Variants in MXD1 observed in about 807,000 individuals in gnomAD.
The protein encoded by MXD1 is MAX dimerization protein 1.
A neutral mutation model predicts 25.7 loss-of-function variants in MXD1; 9 were observed. The ratio of observed to expected loss-of-function variants is 0.35; its 90% confidence interval spans 0.21 to 0.61. The LOEUF (loss-of-function observed/expected upper bound fraction) is 0.61. Among genes scored for constraint, MXD1 ranks in the 20% least tolerant of loss-of-function variants. The probability of loss-of-function intolerance (pLI) is 0.75; values close to 1 mark genes in which losing one functional copy is unlikely to be tolerated. For synonymous variants in MXD1, 99 were observed against 113.9 expected, an observed-to-expected ratio of 0.87 and a Z score of 0.83; for missense variants, 227 against 292.4, an observed-to-expected ratio of 0.78 and a Z score of 1.63.
rs1677114328 is a variant in MXD1, at chr2:69,923,601, T to TGTGTGA, written c.203+1837_203+1838insTGTGAG. On this transcript the variant is annotated intron_variant, in intron 3 of 5. Transcript: ENST00000264444. ...AATTTCGTGTGTGTGTGTGTGTGTG[T>TGTGTGA]GATGCTGAGTGTGCCTCACTGCATA... Among the ~76,000 whole-genome samples, 3 of 152,188 alleles carry TGTGTGA rather than the reference T, an allele frequency of 2.0e-5. No homozygotes were observed. In the South Asian group the frequency reaches 6.2e-4, roughly 32 times the overall value.
At chr2:69,931,038 A>C (rs936302487) in intron 3 of MXD1, among the ~76,000 whole-genome samples, 1 of 152,150 alleles carries the variant, frequency 6.6e-6, no homozygotes, top group South Asian at 2.1e-4. Flanking sequence ...TATTAACTTC[A>C]TTTTTAATTT....
Position 69,941,622 on chromosome 2 carries a change from T to C in MXD1, c.*3338T>C, listed in dbSNP as rs1370723640. ...GGCATTTTCCTTTAACCTCTACTTT[T>C]TCAAAAGCAACAAAGGGGCCTCAAC... On this transcript the variant is annotated 3_prime_UTR_variant, in exon 6 of 6. Transcript: ENST00000264444. The C allele has an allele frequency of 2.6e-5, 4 of 152,200 alleles. No individual in the cohort carries two copies. Among genetic ancestry groups the C allele is most frequent in the Non-Finnish European group, 2.9e-5 (2 of 68,036 alleles). 9.4% of individuals were successfully genotyped at this position (152,200 alleles called of 1,614,324 possible).
At chr2:69,938,055 G>T in intron 5 of MXD1, 42 bp from the exon 6 acceptor site, 1 of 1,591,072 alleles carries the variant, frequency 6.3e-7, no homozygotes, top group South Asian at 1.1e-5. Flanking sequence ...GCTTTCTGCA[G>T]AGCGCTTTCA....
chr2:69,924,454 C>T (rs1677133343), intron 3 of MXD1, among the ~76,000 whole-genome samples: 1 of 152,126 alleles, frequency 6.6e-6, no homozygotes, highest in Non-Finnish European at 1.5e-5. Flanking sequence ...ACTCAGTTTA[C>T]TTAATTTAAG....
At chr2:69,936,610 T>C (rs1677450222) in intron 4 of MXD1, among the ~76,000 whole-genome samples, 1 of 152,242 alleles carries the variant, frequency 6.6e-6, no homozygotes, top group Non-Finnish European at 1.5e-5. Context: ...AATTAAACAA[T>C]CTTCTTAATT....
chr2:69,927,422 T>C (rs1031351383), intron 3 of MXD1, among the ~76,000 whole-genome samples: 1 of 152,174 alleles, frequency 6.6e-6, no homozygotes, highest in Middle Eastern at 3.2e-3. Context: ...ATAAATCCAA[T>C]CTATATTGAT....
chr2:69,923,692 A>T (rs1677116339), intron 3 of MXD1, among the ~76,000 whole-genome samples: 1 of 151,930 alleles, frequency 6.6e-6, no homozygotes, highest in South Asian at 2.1e-4. Context: ...ACCATGTTTT[A>T]AGTTGGAGCT....
intron 3 of MXD1, among the ~76,000 whole-genome samples, chr2:69,932,334 C>G (rs1677307427): frequency 6.6e-6 from 1 of 152,154 alleles, no homozygotes; most frequent in Admixed American, 6.5e-5. Context: ...TTGGATTTCA[C>G]TACTGTATGA....
intron 3 of MXD1, among the ~76,000 whole-genome samples, chr2:69,934,103 A>G (rs186493339): frequency 6.6e-5 from 10 of 152,364 alleles, no homozygotes; most frequent in Admixed American, 6.5e-4. Flanking sequence ...CGGTGACAGC[A>G]CAGCAATGAT....
At chr2:69,936,895 A>G (rs894613842) in intron 4 of MXD1, 10 of 476,748 alleles carry the variant, frequency 2.1e-5, no homozygotes, top group Admixed American at 1.2e-4. Context: ...TCAGGTGTTC[A>G]GGGGATTGCT....
At chr2:69,929,518 G>A (rs1347471119) in intron 3 of MXD1, among the ~76,000 whole-genome samples, 1 of 152,170 alleles carries the variant, frequency 6.6e-6, no homozygotes, top group Non-Finnish European at 1.5e-5. Flanking sequence ...AGTTAGCCCA[G>A]GTGCTTTCTA....
Position 69,939,227 on chromosome 2 carries a change from G to C in MXD1, c.*943G>C, listed in dbSNP as rs1045198243. On this transcript the variant is annotated 3_prime_UTR_variant, in exon 6 of 6. Transcript: ENST00000264444. ...CAGCAATAACTGAGCTGTGGCACTA[G>C]CAGAGCTAGTAGCCATTATCAGTGA... is the stretch of plus-strand genomic sequence containing the variant. 1.3e-5 allele frequency: 2 copies of C among 152,506 alleles called. No individual in the cohort carries two copies. Among genetic ancestry groups the C allele is most frequent in the Non-Finnish European group, 2.9e-5 (2 of 68,030 alleles). The allele number at this position is 152,506 out of a possible 1,614,324, so 9.4% of individuals were successfully genotyped here. A position where few individuals can be genotyped will look rare whatever the true frequency, so the allele number is the denominator to read the frequency against.
At chr2:69,922,820 C>T (rs986335571) in intron 3 of MXD1, among the ~76,000 whole-genome samples, 2 of 147,036 alleles carry the variant, frequency 1.4e-5, no homozygotes, top group South Asian at 2.1e-4. Context: ...GCGGAGGTTG[C>T]GGTGAGCCGA....
In MXD1 at chr2:69,939,949, G is replaced by A. The variant is rs1008061442; in HGVS notation, c.*1665G>A. 2.6e-5 allele frequency: 4 copies of A among 152,308 alleles called. No homozygotes were observed. The allele number at this position is 152,308 out of a possible 1,614,324, so 9.4% of individuals were successfully genotyped here. The stretch of plus-strand genomic sequence containing the variant: ...CCACACGGAAGCTCATTCTATACCC[G>A]AAGAGCAGTCTCAGAAAGCAAGATT... On this transcript the variant is annotated 3_prime_UTR_variant, in exon 6 of 6. Transcript: ENST00000264444.
Position 69,942,217 on chromosome 2 carries a change from C to A in MXD1, c.*3933C>A, listed in dbSNP as rs935722883. ...AGCTGGCTACTCCTATTTAAAAACT[C>A]TTCCTGGTAGAAGACAACCCAAAGA... is the stretch of plus-strand genomic sequence containing the variant. On this transcript the variant is annotated 3_prime_UTR_variant, in exon 6 of 6. Transcript: ENST00000264444. The A allele has an allele frequency of 1.1e-4, 16 of 152,218 alleles. No homozygotes were observed. Among genetic ancestry groups the A allele is most frequent in the African/African-American group, 3.9e-4 (16 of 41,454 alleles). 9.4% of individuals were successfully genotyped at this position (152,218 alleles called of 1,614,324 possible). A position where few individuals can be genotyped will look rare whatever the true frequency, so the allele number is the denominator to read the frequency against.
Position 69,937,655 on chromosome 2 carries a change from C to G in MXD1, c.478+261C>G, listed in dbSNP as rs1042316986. Among the ~76,000 whole-genome samples the G allele has an allele frequency of 6.6e-5, 10 of 152,336 alleles. No individual in the cohort carries two copies. In the South Asian group the frequency reaches 2.1e-3, roughly 32 times the overall value. ...TTTGAGACGGAATCTTGCTCTGTCACCCAGGCTGGAGTGCAGTGGTGTGAT... is the reference window on the plus strand; with the variant it reads ...TTTGAGACGGAATCTTGCTCTGTCAGCCAGGCTGGAGTGCAGTGGTGTGAT... On this transcript the variant is annotated intron_variant, in intron 5 of 5. Transcript: ENST00000264444.
intron 5 of MXD1, 32 bp from the exon 6 acceptor site, chr2:69,938,062 TTCA>T: frequency 6.2e-7 from 1 of 1,601,298 alleles, no homozygotes; most frequent in Non-Finnish European, 8.5e-7. Flanking sequence ...GCAGAGCGCT[TTCA>T]TCAATGTCCT....
At position 69,915,230 on chromosome 2, in the gene MXD1, C is replaced by G. The variant is rs1314587202; in HGVS notation, c.-101C>G. 17 of 1,083,762 alleles carry G rather than the reference C, an allele frequency of 1.6e-5. No individual in the cohort carries two copies. Among genetic ancestry groups the G allele is most frequent in the Non-Finnish European group, 2.0e-5 (17 of 831,892 alleles). The allele number at this position is 1,083,762 out of a possible 1,614,324, so 67.1% of individuals were successfully genotyped here. On this transcript the variant is annotated 5_prime_UTR_variant, in exon 1 of 6. Transcript: ENST00000264444. This position sits in a 1 kb window ranked among gnomAD's most constrained non-coding sequence, Gnocchi z 5.8. ...CCTGCTCCGCGGGGTCCACAGCGGG[C>G]TCCACAGCGGGCTCCATAGCGGGCT...
rs10496174 is a variant in MXD1 at position 69,926,304 on chromosome 2, T to A, written c.203+4539T>A. On this transcript the variant is annotated intron_variant, in intron 3 of 5. Coordinates refer to ENST00000264444, the MANE Select transcript of MXD1 (RefSeq NM_002357.4). Reference sequence around the variant, plus strand: ...TTCTTCCAGTCCATTGATCCATCTCTTCTTCCTGTGCCAATATATACCCTT... The same window carrying A: ...TTCTTCCAGTCCATTGATCCATCTCATCTTCCTGTGCCAATATATACCCTT... 9.5e-3 allele frequency among the ~76,000 whole-genome samples: 1,445 copies of A among 151,692 alleles called. 24 individuals carry two copies. Among genetic ancestry groups the A allele is most frequent in the African/African-American group, 0.032 (1,338 of 41,362 alleles).
Sources: gnomAD v4.1 joint callset for allele counts (sites outside exome capture counted in the v4.1 genomes callset) on GRCh38, gnomAD v4.1.1 for gene constraint, Gnocchi (gnomAD v3.1) non-coding constraint, MANE v1.5 for transcripts, NCBI Gene and HGNC (gene_info 2026-07-23, HGNC 2026-07-21) for gene names.